The following IGSF3 variants were observed in gnomAD, a reference collection of about 807,000 sequenced individuals.
IGSF3 encodes immunoglobulin superfamily member 3, also known as glu-Trp-Ile EWI motif-containing protein 3.
A neutral mutation model predicts 114.4 loss-of-function variants in IGSF3; 23 were observed. The ratio of observed to expected loss-of-function variants is 0.20; its 90% CI spans 0.14 to 0.28. IGSF3 has a LOEUF of 0.28. Ranked by LOEUF, IGSF3 falls within the 10% of genes least tolerant of loss-of-function variation. The pLI, the probability that IGSF3 is intolerant of heterozygous loss-of-function variation, is 1.00. For synonymous variants in IGSF3, 571 were observed against 645.2 expected (o/e 0.88, Z 1.74); for missense variants, 1,172 against 1,591.5 (o/e 0.74, Z 4.48).
At position 116,615,989 on chromosome 1, in the gene IGSF3, T is replaced by A. The variant is rs1294623165; in HGVS notation, c.421+91A>T. On this transcript the variant is annotated intron_variant, in intron 3 of 10. Coordinates refer to ENST00000369486, the MANE Select transcript of IGSF3 (RefSeq NM_001007237.3). The surrounding 1 kb of genome is among the most constrained non-coding windows in gnomAD (Gnocchi z 4.3). ...ATGTTGGGAGTTTTGGGATTTTTTT[T>A]AAAGTCAAATGCATGGCATAAAGCA... 22 of 1,142,314 alleles carry A rather than the reference T, an allele frequency of 1.9e-5. No individual in the cohort carries two copies. Among genetic ancestry groups the A allele is most frequent in the Admixed American group, 1.7e-4 (7 of 42,014 alleles). 70.8% of individuals were successfully genotyped at this position (1,142,314 alleles called of 1,614,324 possible).
At position 116,627,658 on chromosome 1, in the gene IGSF3, C is replaced by T. The variant is rs565545886; in HGVS notation, c.44-11201G>A. On this transcript the variant is annotated intron_variant, in intron 2 of 10. Coordinates refer to ENST00000369486, the MANE Select transcript of IGSF3 (RefSeq NM_001007237.3). This position sits in a 1 kb window ranked among gnomAD's most constrained non-coding sequence, Gnocchi z 4.7. ...TACCAGGCAGCAGAGGGATGCGGGG[C>T]GCCAACAGCAAAAGCACTTGGGGGG... Among the ~76,000 whole-genome samples, 1 of 152,302 alleles carries T rather than the reference C, an allele frequency of 6.6e-6. No homozygotes were observed. The highest frequency in any genetic ancestry group is 2.4e-5 in the African/African-American group (1 of 41,546).
intron 5 of IGSF3, chr1:116,606,680 T>C: frequency 1.6e-6 from 1 of 615,856 alleles, no homozygotes; most frequent in Non-Finnish European, 2.9e-6. Context: ...TAGAAAACAA[T>C]GAGGAATTAG....
Position 116,614,648 on chromosome 1 carries a change from T to C in IGSF3, c.422-473A>G, listed in dbSNP as rs777817576. Among the ~76,000 whole-genome samples the C allele has an allele frequency of 6.6e-6, 1 of 152,182 alleles. No homozygotes were observed. The highest frequency in any genetic ancestry group is 1.5e-5 in the Non-Finnish European group (1 of 68,020). ...CCTTCCCACATCCCCATCCTGTAAC[T>C]TACTTCAGCAATGCAGCCCTAGGAA... On this transcript the variant is annotated intron_variant, in intron 3 of 10. Coordinates refer to ENST00000369486, the MANE Select transcript of IGSF3 (RefSeq NM_001007237.3). This position sits in a 1 kb window ranked among gnomAD's most constrained non-coding sequence, Gnocchi z 4.5.
At chr1:116,658,782 C>G (rs1353516407) in intron 2 of IGSF3, among the ~76,000 whole-genome samples, 1 of 152,200 alleles carries the variant, frequency 6.6e-6, no homozygotes, top group Admixed American at 6.5e-5. Context: ...AAACTGAAAA[C>G]AAGGACAGAC....
Position 116,588,447 on chromosome 1 carries a change from G to A in IGSF3, c.2440+247C>T, listed in dbSNP as rs533140933. Reference sequence around the variant, plus strand: ...AACCACAGCTGCCCTGCTCCTTGGTGAAGATGGTATCCACAGAAGCAGAGT... The same window carrying A: ...AACCACAGCTGCCCTGCTCCTTGGTAAAGATGGTATCCACAGAAGCAGAGT... On this transcript the variant is annotated intron_variant, in intron 8 of 10. Coordinates refer to ENST00000369486, the MANE Select transcript of IGSF3 (RefSeq NM_001007237.3). This position sits in a 1 kb window ranked among gnomAD's most constrained non-coding sequence, Gnocchi z 4.9. 5.5e-4 allele frequency among the ~76,000 whole-genome samples: 84 copies of A among 152,310 alleles called. 1 individual carries two copies. Among genetic ancestry groups the A allele is most frequent in the African/African-American group, 1.9e-3 (81 of 41,552 alleles).
At chr1:116,604,152 A>T (rs1236588096) in intron 5 of IGSF3, 127 bp from the exon 6 acceptor site, 3 of 844,654 alleles carry the variant, frequency 3.6e-6, no homozygotes, top group African/African-American at 3.4e-5. Context: ...AGAGGGTCAA[A>T]AACACTCTGA....
At position 116,589,139 on chromosome 1, in the gene IGSF3, G is replaced by C; in HGVS notation, c.2030-35C>G. The C allele has an allele frequency of 6.3e-7, 1 of 1,578,354 alleles. No homozygotes were observed. Among genetic ancestry groups the C allele is most frequent in the South Asian group, 1.2e-5 (1 of 86,400 alleles). ...AAAGGGGAACACAGGAATCACCACA[G>C]ACTCCCAGAAACGTGGCCCATCCAC... On this transcript the variant is annotated intron_variant, in intron 7 of 10. Coordinates refer to ENST00000369486, the MANE Select transcript of IGSF3 (RefSeq NM_001007237.3). The surrounding 1 kb of genome is among the most constrained non-coding windows in gnomAD (Gnocchi z 5.7).
rs2101029682 is a variant in IGSF3 at position 116,624,110 on chromosome 1, C to A, written c.44-7653G>T. ...TAAAAAAAAAACAAAAAAAAGGTCC[C>A]TGAGGATCCCTCGAGCCTGGGAGGC... On this transcript the variant is annotated intron_variant, in intron 2 of 10. Transcript: ENST00000369486. The surrounding 1 kb of genome is among the most constrained non-coding windows in gnomAD (Gnocchi z 4.9). Among the ~76,000 whole-genome samples, 2 of 151,500 alleles carry A rather than the reference C, an allele frequency of 1.3e-5. 1 individual carries two copies. The highest frequency in any genetic ancestry group is 3.9e-4 in the East Asian group (2 of 5,154).
rs144473295 is a variant in IGSF3, at chr1:116,623,324, C to T, written c.44-6867G>A. On this transcript the variant is annotated intron_variant, in intron 2 of 10. Transcript: ENST00000369486. ...CAACAGCCCTCTGAGGTCAATACTC[C>T]TAGTGACCTCACTTTACGGATGCAG... Among the ~76,000 whole-genome samples the T allele has an allele frequency of 1.6e-4, 24 of 152,332 alleles. No homozygotes were observed. In the East Asian group the frequency reaches 4.4e-3, roughly 28 times the overall value.
In IGSF3 at chr1:116,574,586, T is replaced by C. The variant is rs941164190; in HGVS notation, c.*2726A>G. 8 of 152,582 alleles carry C rather than the reference T, an allele frequency of 5.2e-5. No homozygotes were observed. Among genetic ancestry groups the C allele is most frequent in the African/African-American group, 1.2e-4 (5 of 41,428 alleles). The allele number at this position is 152,582 out of a possible 1,614,324, so 9.5% of individuals were successfully genotyped here. On this transcript the variant is annotated 3_prime_UTR_variant, in exon 11 of 11. Transcript: ENST00000369486. The surrounding 1 kb of genome is among the most constrained non-coding windows in gnomAD (Gnocchi z 5.2). The stretch of plus-strand genomic sequence containing the variant: ...CTCAATAATTAACGCAGAGAAACCA[T>C]TGTTTGAAAAGAATATGAAAACTTG...
Position 116,585,931 on chromosome 1 carries a change from G to A in IGSF3, c.2441-879C>T, listed in dbSNP as rs1659825065. 6.6e-6 allele frequency among the ~76,000 whole-genome samples: 1 copy of A among 152,214 alleles called. No homozygotes were observed. The highest frequency in any genetic ancestry group is 2.4e-5 in the African/African-American group (1 of 41,468). ...AAAAGAAAAAGAAAAGATTGCTACT[G>A]ATGGAACTGGGTGCTTTGAAAACTC... On this transcript the variant is annotated intron_variant, in intron 8 of 10. Transcript: ENST00000369486. The surrounding 1 kb of genome is among the most constrained non-coding windows in gnomAD (Gnocchi z 4.9).
chr1:116,585,008 G>A lies in IGSF3; in HGVS notation c.2485C>T (p.Leu829=), dbSNP rs1200752279. Residue 829 remains leucine, a synonymous_variant, in exon 9 of 11, where the codon CTG becomes TTG. Coordinates refer to ENST00000369486, the MANE Select transcript of IGSF3 (RefSeq NM_001007237.3). This position sits in a 1 kb window ranked among gnomAD's most constrained non-coding sequence, Gnocchi z 4.9. The stretch of plus-strand genomic sequence containing the variant: ...TCCAGCTGTACCTGCCGGGTCTCCA[G>A]AACCGACAGGTTCCCCTGGGCTTGG... The part of the protein sequence containing the change: ...LSQAQGNLSV[L]ETRQVQLECV... The A allele has an allele frequency of 1.3e-6, 2 of 1,568,008 alleles. No homozygotes were observed. The highest frequency in any genetic ancestry group is 1.7e-6 in the Non-Finnish European group (2 of 1,151,166).
chr1:116,649,731 C>T lies in IGSF3; in HGVS notation c.43+16553G>A, dbSNP rs1648550092. On this transcript the variant is annotated intron_variant, in intron 2 of 10. Coordinates refer to ENST00000369486, the MANE Select transcript of IGSF3 (RefSeq NM_001007237.3). This position sits in a 1 kb window ranked among gnomAD's most constrained non-coding sequence, Gnocchi z 4.5. ...ACCCAGCTACTTAATCCTTATCCTT[C>T]TTCCCAAGGCCCACTTTCATTCCTT... Among the ~76,000 whole-genome samples the T allele has an allele frequency of 2.0e-5, 3 of 152,222 alleles. No homozygotes were observed. The highest frequency in any genetic ancestry group is 6.5e-5 in the Admixed American group (1 of 15,286).
At chr1:116,617,683 T>C (rs1661273825) in intron 2 of IGSF3, among the ~76,000 whole-genome samples, 1 of 152,348 alleles carries the variant, frequency 6.6e-6, no homozygotes, top group East Asian at 1.9e-4. Context: ...GCCTGTCTCA[T>C]AGGGTTATTG....
chr1:116,613,809 G>A lies in IGSF3; in HGVS notation c.788C>T (p.Thr263Ile). 1 of 1,613,968 alleles carries A rather than the reference G, an allele frequency of 6.2e-7. No homozygotes were observed. Among genetic ancestry groups the A allele is most frequent in the East Asian group, 2.2e-5 (1 of 44,882 alleles). ...CACGGCTCCCTCGGAACGCTTTCGGGTCATAGCATACCACGACCCATCCGG... is the reference window on the plus strand; with the variant it reads ...CACGGCTCCCTCGGAACGCTTTCGGATCATAGCATACCACGACCCATCCGG... ...QDPDGSWYAM[T>I]RKRSEGAVVN... Residue 263 changes from threonine (T) to isoleucine (I), a missense_variant, in exon 4 of 11, where the codon ACC becomes ATC. Thr to Ile is a moderately conservative substitution (Grantham distance 89). Coordinates refer to ENST00000369486, the MANE Select transcript of IGSF3 (RefSeq NM_001007237.3).
In IGSF3 at chr1:116,649,917, G is replaced by A. The variant is rs1648561188; in HGVS notation, c.43+16367C>T. Reference sequence around the variant, plus strand: ...GCCACATCCACACCTGTCTTCACAGGTTTGCTCATGCCACCATTCCTTTCC... The same window carrying A: ...GCCACATCCACACCTGTCTTCACAGATTTGCTCATGCCACCATTCCTTTCC... On this transcript the variant is annotated intron_variant, in intron 2 of 10. Coordinates refer to ENST00000369486, the MANE Select transcript of IGSF3 (RefSeq NM_001007237.3). This position sits in a 1 kb window ranked among gnomAD's most constrained non-coding sequence, Gnocchi z 4.5. Among the ~76,000 whole-genome samples, 3 of 152,156 alleles carry A rather than the reference G, an allele frequency of 2.0e-5. No individual in the cohort carries two copies. Among genetic ancestry groups the A allele is most frequent in the African/African-American group, 7.2e-5 (3 of 41,430 alleles).
chr1:116,607,319 G>C lies in IGSF3; in HGVS notation c.1222+623C>G, dbSNP rs1660826220. On this transcript the variant is annotated intron_variant, in intron 5 of 10. Transcript: ENST00000369486. The surrounding 1 kb of genome is among the most constrained non-coding windows in gnomAD (Gnocchi z 6.1). ...CCACACAAGGCCAGTCTACATGAAG[G>C]CTGGGGAGCCCACTGAGGCAGCCTC... Among the ~76,000 whole-genome samples the C allele has an allele frequency of 1.4e-5, 1 of 72,450 alleles. No homozygotes were observed. The highest frequency in any genetic ancestry group is 2.8e-4 in the East Asian group (1 of 3,518). 47.5% of individuals were successfully genotyped at this position (72,450 alleles called of 152,430 possible).
rs572726585 is a variant in IGSF3, at chr1:116,632,575, A to C, written c.44-16118T>G. The stretch of plus-strand genomic sequence containing the variant: ...CGTGCGTGCTGAAGGACTCGTGTTT[A>C]ATTCTTCCCAGTAATCCTTTTTCAG... On this transcript the variant is annotated intron_variant, in intron 2 of 10. Coordinates refer to ENST00000369486, the MANE Select transcript of IGSF3 (RefSeq NM_001007237.3). This position sits in a 1 kb window ranked among gnomAD's most constrained non-coding sequence, Gnocchi z 5.1. Among the ~76,000 whole-genome samples the C allele has an allele frequency of 3.0e-4, 46 of 152,322 alleles. No homozygotes were observed. The highest frequency in any genetic ancestry group is 1.1e-3 in the African/African-American group (44 of 41,566).
intron 7 of IGSF3, among the ~76,000 whole-genome samples, chr1:116,590,383 A>C (rs556189806): frequency 2.6e-5 from 4 of 151,860 alleles, no homozygotes; most frequent in South Asian, 2.1e-4. Context: ...AAAAAAAAAA[A>C]CAAAAAAACA....
Sources: gnomAD v4.1 joint callset for allele counts (sites outside exome capture counted in the v4.1 genomes callset) on GRCh38, gnomAD v4.1.1 for gene constraint, Gnocchi (gnomAD v3.1) non-coding constraint, MANE v1.5 for transcripts, NCBI Gene and HGNC (gene_info 2026-07-23, HGNC 2026-07-21) for gene names.